AVL9: variants seen among roughly 807,000 people sequenced by gnomAD.
AVL9 encodes the protein late secretory pathway protein AVL9 homolog.
AVL9 carries 49 observed loss-of-function variants against 79.2 expected under a neutral mutation model. That is an observed-to-expected ratio of 0.62 (90% CI 0.49 to 0.79). AVL9 has a LOEUF of 0.79. Ranked by LOEUF, AVL9 falls within the 30% of genes least tolerant of loss-of-function variation. The pLI is 0.00. For missense variants in AVL9, 682 were observed against 776.8 expected (o/e 0.88, Z 1.45); for synonymous variants, 299 against 280.6 (o/e 1.07, Z -0.65).
intron 1 of AVL9, among the ~76,000 whole-genome samples, chr7:32,520,445 C>T (rs555965608): frequency 6.6e-6 from 1 of 152,236 alleles, no homozygotes; most frequent in Non-Finnish European, 1.5e-5. Flanking sequence ...ATATGTGATC[C>T]AAAGGCATAG....
chr7:32,548,116 G>T (rs1789606714), intron 3 of AVL9, among the ~76,000 whole-genome samples: 1 of 149,740 alleles, frequency 6.7e-6, no homozygotes, highest in Non-Finnish European at 1.5e-5. Flanking sequence ...TCCATCTCTG[G>T]AGAACAAGCT....
intron 1 of AVL9, among the ~76,000 whole-genome samples, chr7:32,522,117 G>C (rs564074982): frequency 6.6e-6 from 1 of 152,380 alleles, no homozygotes; most frequent in African/African-American, 2.4e-5. Flanking sequence ...TGCTAGGGCA[G>C]TGTGGAAGGG....
chr7:32,548,574 T>C (rs1201875605), intron 3 of AVL9, among the ~76,000 whole-genome samples: 4 of 144,456 alleles, frequency 2.8e-5, no homozygotes, highest in Non-Finnish European at 6.1e-5. Context: ...TGGTGACTTA[T>C]ACATAAAGTA....
chr7:32,502,017 C>G (rs1307966775), intron 1 of AVL9, among the ~76,000 whole-genome samples: 1 of 151,690 alleles, frequency 6.6e-6, no homozygotes, highest in Non-Finnish European at 1.5e-5. Context: ...ATATTTTTGG[C>G]AGTTTTTAAA....
In AVL9 at chr7:32,566,180, A is replaced by ATCTTTTTTTTTTTTTTTTTTTTT. The variant is rs70992731; in HGVS notation, c.1216-3839_1216-3838insCTTTTTTTTTTTTTTTTTTTTTT. 2.0e-4 allele frequency among the ~76,000 whole-genome samples: 19 copies of ATCTTTTTTTTTTTTTTTTTTTTT among 93,890 alleles called. 3 individuals are homozygous for ATCTTTTTTTTTTTTTTTTTTTTT. The highest frequency in any genetic ancestry group is 2.4e-4 in the Non-Finnish European group (12 of 49,476). 61.6% of individuals were successfully genotyped at this position (93,890 alleles called of 152,430 possible). A position where few individuals can be genotyped will look rare whatever the true frequency, so the allele number is the denominator to read the frequency against. On this transcript the variant is annotated intron_variant, in intron 10 of 15. Coordinates refer to ENST00000318709, the MANE Select transcript of AVL9 (RefSeq NM_015060.3). ...TAAAAAAATTTTAATTATTATTATT[A>ATCTTTTTTTTTTTTTTTTTTTTT]TTTTTTTTTTTTGGAGACAAGGTCT... is the stretch of plus-strand genomic sequence containing the variant.
rs1171939289 is a variant in AVL9 at position 32,559,389 on chromosome 7, G to C, written c.1140G>C (p.Gln380His). Reference protein sequence around the residue: ...ITVQPQANTGQVVLIPGLISG... With the variant: ...ITVQPQANTGHVVLIPGLISG... Reference sequence around the variant, plus strand: ...TACAACCTCAAGCTAATACGGGACAGGTAGTCCTGATACCAGGGCTCATTT... The same window carrying C: ...TACAACCTCAAGCTAATACGGGACACGTAGTCCTGATACCAGGGCTCATTT... Residue 380 changes from glutamine (Q) to histidine (H), a missense_variant, in exon 10 of 16, where the codon CAG becomes CAC. Coordinates refer to ENST00000318709, the MANE Select transcript of AVL9 (RefSeq NM_015060.3). The C allele has an allele frequency of 5.6e-6, 9 of 1,612,928 alleles. No homozygotes were observed. The highest frequency in any genetic ancestry group is 1.3e-5 in the African/African-American group (1 of 74,898).
chr7:32,517,505 C>T (rs1562759101), intron 1 of AVL9, among the ~76,000 whole-genome samples: 1 of 151,992 alleles, frequency 6.6e-6, no homozygotes, highest in Non-Finnish European at 1.5e-5. Context: ...GGGGTTTCAC[C>T]ATCTTGGCCA....
chr7:32,545,444 T>A (rs890773705), intron 3 of AVL9, among the ~76,000 whole-genome samples: 1 of 142,570 alleles, frequency 7.0e-6, no homozygotes, highest in African/African-American at 2.6e-5. Flanking sequence ...CAATCTTGGC[T>A]CACTGCAGCC....
chr7:32,529,818 TC>T (rs1389651292), intron 1 of AVL9, among the ~76,000 whole-genome samples: 1 of 152,298 alleles, frequency 6.6e-6, no homozygotes, highest in Non-Finnish European at 1.5e-5. Flanking sequence ...AGAGAACAAT[TC>T]CAGTGCTTTA....
chr7:32,528,219 G>A (rs148509326), intron 1 of AVL9, among the ~76,000 whole-genome samples: 680 of 152,108 alleles, frequency 4.5e-3, no homozygotes, highest in African/African-American at 5.7e-3. Flanking sequence ...GAGTTGTCTC[G>A]CTTTTCTAGA....
chr7:32,583,249 T>C (rs1480004339), intron 15 of AVL9, among the ~76,000 whole-genome samples: 1 of 152,238 alleles, frequency 6.6e-6, no homozygotes, highest in Non-Finnish European at 1.5e-5. Context: ...AGAAACAGTT[T>C]GATGAATACT....
At chr7:32,526,733 A>T (rs1287604050) in intron 1 of AVL9, among the ~76,000 whole-genome samples, 1 of 152,086 alleles carries the variant, frequency 6.6e-6, no homozygotes, top group Non-Finnish European at 1.5e-5. Context: ...TTTTCAAAAG[A>T]GTCCCAGCGG....
chr7:32,577,204 G>A (rs567805909), intron 13 of AVL9, among the ~76,000 whole-genome samples: 5 of 152,120 alleles, frequency 3.3e-5, no homozygotes, highest in South Asian at 2.1e-4. Flanking sequence ...GCGTGGTGGT[G>A]GGTGCCTATA....
intron 10 of AVL9, among the ~76,000 whole-genome samples, chr7:32,564,627 T>C (rs547761217): frequency 2.4e-4 from 36 of 152,214 alleles, no homozygotes; most frequent in Non-Finnish European, 3.7e-4. Flanking sequence ...CTCTGGTACT[T>C]GAACTTGCCT....
chr7:32,565,146 C>T (rs1790499629), intron 10 of AVL9, among the ~76,000 whole-genome samples: 2 of 152,172 alleles, frequency 1.3e-5, no homozygotes, highest in African/African-American at 4.8e-5. Context: ...GCCCTTGGAG[C>T]TCGGAGTCCC....
Position 32,584,253 on chromosome 7 carries a change from G to T in AVL9, c.*346G>T. On this transcript the variant is annotated 3_prime_UTR_variant, in exon 16 of 16. Coordinates refer to ENST00000318709, the MANE Select transcript of AVL9 (RefSeq NM_015060.3). ...TAAATTTTGTTCTGTTTTGGTGTTT[G>T]AATATCTAGATGGTCACTGTAATTT... The T allele has an allele frequency of 4.0e-6, 1 of 248,278 alleles. No homozygotes were observed. Among genetic ancestry groups the T allele is most frequent in the Non-Finnish European group, 8.0e-6 (1 of 125,566 alleles). 15.4% of individuals were successfully genotyped at this position (248,278 alleles called of 1,614,324 possible). A position where few individuals can be genotyped will look rare whatever the true frequency, so the allele number is the denominator to read the frequency against.
Position 32,576,068 on chromosome 7 carries a change from C to T in AVL9, c.1684C>T (p.Pro562Ser). The change falls in exon 13 of 16, where the codon CCA (proline) becomes TCA (serine). Residue 562 changes from proline (P) to serine (S), a missense_variant. Coordinates refer to ENST00000318709, the MANE Select transcript of AVL9 (RefSeq NM_015060.3). ...NKHPALAEIN[P>S]NHPFQGQYSV... is the part of the protein sequence containing the mutation. Reference sequence around the variant, plus strand: ...GCATCCAGCACTTGCAGAAATAAATCCAAAGTAAGCGCGTCCTCTGAAGAT... The same window carrying T: ...GCATCCAGCACTTGCAGAAATAAATTCAAAGTAAGCGCGTCCTCTGAAGAT... The T allele has an allele frequency of 6.2e-7, 1 of 1,607,514 alleles. No individual in the cohort carries two copies. Among genetic ancestry groups the T allele is most frequent in the Non-Finnish European group, 8.5e-7 (1 of 1,174,032 alleles).
chr7:32,501,970 C>T (rs73689723), intron 1 of AVL9, among the ~76,000 whole-genome samples: 2,051 of 152,098 alleles, frequency 0.013, 36 homozygotes, highest in Middle Eastern at 0.048. Context: ...AACTCAGGTT[C>T]TCCCTAGGAT....
chr7:32,581,656 A>AC (rs1370702124), intron 15 of AVL9: 1 of 152,020 alleles, frequency 6.6e-6, no homozygotes, highest in African/African-American at 2.4e-5. Context: ...ACATAGTGAG[A>AC]CCCCATCTCT....
Sources: gnomAD v4.1 joint callset for allele counts (sites outside exome capture counted in the v4.1 genomes callset) on GRCh38, gnomAD v4.1.1 for gene constraint, MANE v1.5 for transcripts, NCBI Gene and HGNC (gene_info 2026-07-23, HGNC 2026-07-21) for gene names.